SUSD5: variants seen among roughly 807,000 people sequenced by gnomAD.
SUSD5 encodes the protein sushi domain containing 5, also known as sushi domain-containing protein 5.
SUSD5 carries 33 observed loss-of-function variants against 29.5 expected under a neutral mutation model. The observed-to-expected ratio is 1.12, with a 90% CI of 0.85 to 1.49. The LOEUF (loss-of-function observed/expected upper bound fraction) is 1.49, where lower values mean the gene tolerates loss of function less well. Among genes scored for constraint, SUSD5 ranks in the 40% most tolerant of loss-of-function variants. SUSD5 has a pLI of 0.00. For synonymous variants in SUSD5, 308 were observed against 325.3 expected (o/e 0.95, Z 0.57); for missense variants, 776 against 800.6 (o/e 0.97, Z 0.37).
intron 3 of SUSD5, among the ~76,000 whole-genome samples, chr3:33,194,511 AC>A (rs1006656314): frequency 3.3e-5 from 5 of 152,342 alleles, no homozygotes; most frequent in African/African-American, 9.6e-5. Flanking sequence ...CCAGACATAT[AC>A]AAAGAAAACC....
intron 3 of SUSD5, among the ~76,000 whole-genome samples, chr3:33,196,389 G>A (rs1296578368): frequency 2.0e-5 from 3 of 152,224 alleles, no homozygotes; most frequent in East Asian, 1.9e-4. Context: ...GATTCTTGGG[G>A]TTGGGCTATG....
In SUSD5 at chr3:33,174,887, T is replaced by G. The variant is rs757753242; in HGVS notation, c.597A>C (p.Lys199Asn). 1.2e-6 allele frequency: 2 copies of G among 1,613,734 alleles called. No homozygotes were observed. Among genetic ancestry groups the G allele is most frequent in the African/African-American group, 2.7e-5 (2 of 74,926 alleles). ...GTGGCCCATCCCTGGGCTGCTTACC[T>G]TTCCCACAGGCCTGCACCAGGCCGT... ...EWYGLVQACG[K>N]DEAEAHIDYE... is the part of the protein sequence containing the mutation. Residue 199 changes from lysine to asparagine, a missense_variant and splice_region_variant, in exon 4 of 5, where the codon AAA becomes AAC. Transcript: ENST00000309558.
intron 4 of SUSD5, 110 bp from the exon 5 acceptor site, chr3:33,154,143 T>A: frequency 3.5e-6 from 3 of 862,784 alleles, no homozygotes; most frequent in Non-Finnish European, 5.1e-6. Context: ...TAAATAATAC[T>A]GTTATTATTC....
rs141671332 is a variant in SUSD5 at position 33,153,710 on chromosome 3, T to C, written c.922A>G (p.Lys308Glu). 5.5e-4 allele frequency: 889 copies of C among 1,614,042 alleles called. No individual in the cohort carries two copies. Among genetic ancestry groups the C allele is most frequent in the Non-Finnish European group, 7.0e-4 (826 of 1,179,894 alleles). The change falls in exon 5 of 5, where the codon AAG (lysine) becomes GAG (glutamate). Residue 308 changes from lysine to glutamate, a missense_variant. Physicochemically the swap from Lys to Glu is moderately conservative, Grantham distance 56. Coordinates refer to ENST00000309558, the MANE Select transcript of SUSD5 (RefSeq NM_015551.2). ...TTTTTGGTGTCATCATCCACCTCCTTTTCCAACCCAGGCTTGTGGAAAGCC... is the reference window on the plus strand; with the variant it reads ...TTTTTGGTGTCATCATCCACCTCCTCTTCCAACCCAGGCTTGTGGAAAGCC... ...AEAFHKPGLEKEVDDDTKKQF... is the reference protein window; with the variant it reads ...AEAFHKPGLEEEVDDDTKKQF...
chr3:33,195,721 T>C (rs1198864552), intron 3 of SUSD5, among the ~76,000 whole-genome samples: 2 of 145,010 alleles, frequency 1.4e-5, no homozygotes, highest in African/African-American at 2.5e-5. Flanking sequence ...CATGGGGAGA[T>C]ATAGATCTAT....
At chr3:33,186,400 T>G (rs1389104749) in intron 3 of SUSD5, among the ~76,000 whole-genome samples, 1 of 151,772 alleles carries the variant, frequency 6.6e-6, no homozygotes, top group Admixed American at 6.6e-5. Context: ...GCCTCGCAGC[T>G]TGTAGTTTGG....
chr3:33,164,889 C>G (rs1443312750), intron 4 of SUSD5, among the ~76,000 whole-genome samples: 1 of 151,934 alleles, frequency 6.6e-6, no homozygotes, highest in Non-Finnish European at 1.5e-5. Context: ...GCTCCCAGAA[C>G]TCTTATACAT....
intron 3 of SUSD5, among the ~76,000 whole-genome samples, chr3:33,193,245 G>A (rs1316535285): frequency 2.0e-5 from 3 of 152,248 alleles, no homozygotes; most frequent in East Asian, 1.9e-4. Context: ...TCCCCTTGGC[G>A]GTATAGAAAC....
chr3:33,200,601 T>C (rs970221686), intron 3 of SUSD5, among the ~76,000 whole-genome samples: 1 of 152,154 alleles, frequency 6.6e-6, no homozygotes, highest in Non-Finnish European at 1.5e-5. Flanking sequence ...GAATGGACCA[T>C]CGAGGGCAAT....
chr3:33,200,989 C>CA (rs1212353119), intron 3 of SUSD5, among the ~76,000 whole-genome samples: 2 of 151,952 alleles, frequency 1.3e-5, no homozygotes, highest in African/African-American at 4.8e-5. Flanking sequence ...AATTGTTAAG[C>CA]AAAAAGGAAC....
rs945783988 is a variant in SUSD5, at chr3:33,204,385, A to G, written c.409+3423T>C. On this transcript the variant is annotated intron_variant, in intron 3 of 4. Transcript: ENST00000309558. The surrounding 1 kb of genome is among the most constrained non-coding windows in gnomAD (Gnocchi z 4.5). ...ACCCAGGGTGGAGTGCAGTGGTGCG[A>G]TCTCGGCTCACTGCAAGCTCCGCCT... Among the ~76,000 whole-genome samples, 3 of 151,802 alleles carry G rather than the reference A, an allele frequency of 2.0e-5. No homozygotes were observed. Among genetic ancestry groups the G allele is most frequent in the Non-Finnish European group, 4.4e-5 (3 of 67,974 alleles).
intron 2 of SUSD5, among the ~76,000 whole-genome samples, chr3:33,211,523 A>G (rs1336559194): frequency 6.6e-6 from 1 of 152,218 alleles, no homozygotes; most frequent in African/African-American, 2.4e-5. Context: ...AGATTCACCA[A>G]AAGGCTTTGG....
intron 4 of SUSD5, among the ~76,000 whole-genome samples, chr3:33,171,534 A>G (rs1279977519): frequency 1.3e-5 from 2 of 152,144 alleles, no homozygotes; most frequent in Non-Finnish European, 2.9e-5. Flanking sequence ...AACAAAACAA[A>G]CCCCTACAAC....
chr3:33,159,193 G>A (rs2031122066), intron 4 of SUSD5, among the ~76,000 whole-genome samples: 2 of 152,214 alleles, frequency 1.3e-5, no homozygotes, highest in South Asian at 4.1e-4. Flanking sequence ...GTCAAGGTGG[G>A]TGGTGAGTCG....
intron 2 of SUSD5, among the ~76,000 whole-genome samples, chr3:33,210,402 A>G (rs906546981): frequency 6.6e-6 from 1 of 152,132 alleles, no homozygotes; most frequent in African/African-American, 2.4e-5. Context: ...GTGAATTCAA[A>G]TCTCCAACCT....
chr3:33,186,216 G>A (rs1407151613), intron 3 of SUSD5, among the ~76,000 whole-genome samples: 1 of 151,634 alleles, frequency 6.6e-6, no homozygotes, highest in Non-Finnish European at 1.5e-5. Flanking sequence ...GCAGGAGAAT[G>A]GCGTGAACCC....
intron 4 of SUSD5, among the ~76,000 whole-genome samples, chr3:33,172,182 C>A (rs1427915165): frequency 6.5e-4 from 2 of 3,060 alleles, no homozygotes; most frequent in Non-Finnish European, 1.2e-3. Flanking sequence ...TCTTGTAAAA[C>A]ACACACACAC....
Position 33,181,538 on chromosome 3 carries a change from A to G in SUSD5, c.410-6464T>C, listed in dbSNP as rs538233017. Among the ~76,000 whole-genome samples, 29 of 151,106 alleles carry G rather than the reference A, an allele frequency of 1.9e-4. No individual in the cohort carries two copies. The South Asian group carries it at 5.9e-3, about 31-fold the overall frequency. Reference sequence around the variant, plus strand: ...AGAGCACGTGCCACCCTGCCTAGATATTTTTTTCCCCCTTTGGAGAGACAG... The same window carrying G: ...AGAGCACGTGCCACCCTGCCTAGATGTTTTTTTCCCCCTTTGGAGAGACAG... On this transcript the variant is annotated intron_variant, in intron 3 of 4. Transcript: ENST00000309558.
At chr3:33,180,812 C>A (rs1280060017) in intron 3 of SUSD5, among the ~76,000 whole-genome samples, 1 of 151,648 alleles carries the variant, frequency 6.6e-6, no homozygotes, top group Non-Finnish European at 1.5e-5. Context: ...TGCTCTCCAG[C>A]CTCACTGACG....
Sources: gnomAD v4.1 joint callset for allele counts (sites outside exome capture counted in the v4.1 genomes callset) on GRCh38, gnomAD v4.1.1 for gene constraint, Gnocchi (gnomAD v3.1) non-coding constraint, MANE v1.5 for transcripts, NCBI Gene and HGNC (gene_info 2026-07-23, HGNC 2026-07-21) for gene names.